Variants in DDX10 observed in about 807,000 individuals in gnomAD.
DDX10 encodes the protein DEAD-box helicase 10, also known as probable ATP-dependent RNA helicase DDX10.
Under a neutral mutation model 104.3 loss-of-function variants are expected in DDX10, and 74 were observed. That is an observed-to-expected ratio of 0.71 (90% CI 0.59 to 0.86). The LOEUF (loss-of-function observed/expected upper bound fraction) is 0.86. Among genes scored for constraint, DDX10 ranks in the 40% least tolerant of loss-of-function variants. The pLI, the probability that DDX10 is intolerant of heterozygous loss-of-function variation, is 0.00. For missense variants in DDX10, 952 were observed against 1,040.0 expected (o/e 0.92, Z 1.16); for synonymous variants, 351 against 353.4 (o/e 0.99, Z 0.08).
chr11:108,675,525 C>A, intron 2 of DDX10, 71 bp from the exon 3 acceptor site: 1 of 1,530,926 alleles, frequency 6.5e-7, no homozygotes, highest in Non-Finnish European at 8.8e-7. Context: ...TTGGGGGACA[C>A]AACTCACTTA....
intron 16 of DDX10, among the ~76,000 whole-genome samples, chr11:108,862,976 A>C (rs1450142936): frequency 2.6e-5 from 4 of 152,246 alleles, no homozygotes; most frequent in Non-Finnish European, 4.4e-5. Flanking sequence ...GAAACATACA[A>C]AGCTTGAAAG....
chr11:108,801,784 A>G (rs10749927), intron 13 of DDX10, among the ~76,000 whole-genome samples: 79,823 of 151,876 alleles, frequency 0.53, 22,039 homozygotes, highest in Non-Finnish European at 0.62. Context: ...CAATGTATAT[A>G]CTATCAGCTA....
chr11:108,870,858 A>G (rs934238337), intron 16 of DDX10, among the ~76,000 whole-genome samples: 33 of 152,238 alleles, frequency 2.2e-4, no homozygotes, highest in African/African-American at 7.2e-4. Context: ...AACAAACAGT[A>G]GGTACTGAGT....
intron 13 of DDX10, among the ~76,000 whole-genome samples, chr11:108,773,082 A>G (rs1042551817): frequency 6.6e-6 from 1 of 152,208 alleles, no homozygotes; most frequent in African/African-American, 2.4e-5. Context: ...GGAGTACAGG[A>G]TATAGTAACT....
chr11:108,778,409 T>C (rs1292767150), intron 13 of DDX10, among the ~76,000 whole-genome samples: 1 of 152,246 alleles, frequency 6.6e-6, no homozygotes, highest in Non-Finnish European at 1.5e-5. Flanking sequence ...AACCATCTGA[T>C]CTTTGACAAA....
chr11:108,721,759 A>G (rs905425647), intron 12 of DDX10, among the ~76,000 whole-genome samples: 6 of 152,224 alleles, frequency 3.9e-5, no homozygotes, highest in African/African-American at 7.2e-5. Flanking sequence ...AAATTTTACT[A>G]AAGAAACATG....
chr11:108,798,882 C>A (rs916812139), intron 13 of DDX10, among the ~76,000 whole-genome samples: 1 of 151,762 alleles, frequency 6.6e-6, no homozygotes, highest in African/African-American at 2.4e-5. Context: ...CATTGAAAGC[C>A]TGTGGAAACT....
intron 12 of DDX10, among the ~76,000 whole-genome samples, chr11:108,721,557 T>G (rs1481780420): frequency 6.6e-6 from 1 of 152,208 alleles, no homozygotes; most frequent in Non-Finnish European, 1.5e-5. Flanking sequence ...TGGTAGTTGA[T>G]GACTTTTGCT....
At chr11:108,927,973 T>G (rs1863929644) in intron 17 of DDX10, among the ~76,000 whole-genome samples, 1 of 152,158 alleles carries the variant, frequency 6.6e-6, no homozygotes, top group African/African-American at 2.4e-5. Flanking sequence ...TGGTTCTGAT[T>G]ATTGTGTCCT....
At chr11:108,744,038 T>C (rs977192747) in intron 13 of DDX10, among the ~76,000 whole-genome samples, 4 of 152,170 alleles carry the variant, frequency 2.6e-5, no homozygotes, top group Non-Finnish European at 4.4e-5. Context: ...GTGCTGGGTT[T>C]ATATGTTCTT....
rs79322968 is a variant in DDX10, at chr11:108,887,959, T to TCCC, written c.2305-29909_2305-29907dup. On this transcript the variant is annotated intron_variant, in intron 16 of 17. Transcript: ENST00000322536. ...AAAAAGAAAAGAAATACAGCTTTTT[T>TCCC]CCCCCCCACTTTCTAGTTACTAAAT... Among the ~76,000 whole-genome samples the TCCC allele has an allele frequency of 5.8e-3, 877 of 151,498 alleles. 6 individuals carry two copies. The highest frequency in any genetic ancestry group is 9.6e-3 in the Non-Finnish European group (649 of 67,858).
At chr11:108,940,138 T>G (rs1195438689) in intron 17 of DDX10, 108 bp from the exon 18 acceptor site, 2 of 1,217,470 alleles carry the variant, frequency 1.6e-6, no homozygotes, top group Non-Finnish European at 2.3e-6. Context: ...ATGGTTTCCT[T>G]CATTCTTGAA....
intron 13 of DDX10, among the ~76,000 whole-genome samples, chr11:108,731,926 T>C (rs1378230335): frequency 6.6e-6 from 1 of 152,222 alleles, no homozygotes; most frequent in African/African-American, 2.4e-5. Flanking sequence ...CTGCTGACTT[T>C]GTTGAAATTT....
chr11:108,870,697 A>G (rs1012701233), intron 16 of DDX10, among the ~76,000 whole-genome samples: 6 of 152,200 alleles, frequency 3.9e-5, no homozygotes, highest in African/African-American at 1.2e-4. Flanking sequence ...TTACCTTGAT[A>G]TATTTTTCTC....
intron 16 of DDX10, among the ~76,000 whole-genome samples, chr11:108,912,619 G>A (rs938146850): frequency 3.9e-5 from 6 of 152,084 alleles, no homozygotes; most frequent in Admixed American, 1.3e-4. Flanking sequence ...AACTGGGAAC[G>A]GTGTCAGGCA....
At chr11:108,846,762 C>T (rs892126936) in intron 15 of DDX10, among the ~76,000 whole-genome samples, 7 of 152,080 alleles carry the variant, frequency 4.6e-5, no homozygotes, top group Admixed American at 6.6e-5. Context: ...ATTTGACATA[C>T]GAATTTCAAT....
At chr11:108,884,782 C>G (rs1863272854) in intron 16 of DDX10, among the ~76,000 whole-genome samples, 1 of 152,150 alleles carries the variant, frequency 6.6e-6, no homozygotes, top group African/African-American at 2.4e-5. Flanking sequence ...TCTTATTGTA[C>G]TTTTCAAAGA....
In DDX10 at chr11:108,918,132, T is replaced by G. The variant is rs1293927510; in HGVS notation, c.2450+114T>G. ...CTCCAAGAGATGTTTGTTGCTTTTT[T>G]TTGATACCTTTACTTAGATTCCTGG... On this transcript the variant is annotated intron_variant, in intron 17 of 17. Transcript: ENST00000322536. 7 of 1,037,124 alleles carry G rather than the reference T, an allele frequency of 6.7e-6. No individual in the cohort carries two copies. The Admixed American group carries it at 1.5e-4, about 23-fold the overall frequency. The allele number at this position is 1,037,124 out of a possible 1,614,324, so 64.2% of individuals were successfully genotyped here. A position where few individuals can be genotyped will look rare whatever the true frequency, so the allele number is the denominator to read the frequency against.
At chr11:108,893,899 A>C (rs1032377930) in intron 16 of DDX10, among the ~76,000 whole-genome samples, 1 of 152,070 alleles carries the variant, frequency 6.6e-6, no homozygotes, top group South Asian at 2.1e-4. Flanking sequence ...TATGATTCCC[A>C]AGTATTCATC....
Sources: allele counts gnomAD v4.1 joint callset (sites outside exome capture counted in the v4.1 genomes callset), GRCh38; gene constraint gnomAD v4.1.1; transcripts MANE v1.5; gene names NCBI Gene and HGNC (gene_info 2026-07-23, HGNC 2026-07-21).